The following GPC6 variants were observed in gnomAD, a reference collection of about 807,000 sequenced individuals.
GPC6 encodes glypican 6, also known as glypican-6.
A neutral mutation model predicts 55.2 loss-of-function variants in GPC6; 14 were observed. The observed-to-expected ratio is 0.25, with a 90% CI of 0.17 to 0.40. GPC6 has a LOEUF of 0.40. GPC6 is among the 10% of genes least tolerant of loss of function. The pLI is 1.00. For synonymous variants in GPC6, 278 were observed against 259.6 expected, an observed-to-expected ratio of 1.07 and a Z score of -0.68; for missense variants, 641 against 708.5, an observed-to-expected ratio of 0.90 and a Z score of 1.08.
intron 1 of GPC6, among the ~76,000 whole-genome samples, chr13:93,516,944 G>T (rs1881222844): frequency 6.6e-6 from 1 of 152,212 alleles, no homozygotes; most frequent in East Asian, 1.9e-4. Context: ...TGGGGCCAAA[G>T]CTAACCAATA....
chr13:93,587,690 T>G (rs936343495), intron 2 of GPC6, among the ~76,000 whole-genome samples: 3 of 152,072 alleles, frequency 2.0e-5, no homozygotes, highest in African/African-American at 7.2e-5. Flanking sequence ...TTGACTGTCT[T>G]ACAAGCCTCT....
intron 4 of GPC6, among the ~76,000 whole-genome samples, chr13:94,086,204 A>T (rs750928035): frequency 6.6e-6 from 1 of 152,234 alleles, no homozygotes; most frequent in Non-Finnish European, 1.5e-5. Flanking sequence ...AGGATTACAT[A>T]AAGATTCTCA....
chr13:93,453,952 T>A (rs1878331653), intron 1 of GPC6, among the ~76,000 whole-genome samples: 1 of 152,142 alleles, frequency 6.6e-6, no homozygotes, highest in African/African-American at 2.4e-5. Context: ...CCCACCCACA[T>A]CCTGCTGATT....
intron 6 of GPC6, among the ~76,000 whole-genome samples, chr13:94,365,462 G>T (rs1879248744): frequency 6.6e-6 from 1 of 152,104 alleles, no homozygotes. Context: ...TATAACACAA[G>T]AAATGTAAAA....
In GPC6 at chr13:94,057,290, C is replaced by T. The variant is rs185404669; in HGVS notation, c.877+29396C>T. 3.3e-5 allele frequency among the ~76,000 whole-genome samples: 5 copies of T among 152,212 alleles called. No homozygotes were observed. In the East Asian group the frequency reaches 9.7e-4, roughly 29 times the overall value. On this transcript the variant is annotated intron_variant, in intron 4 of 8. Transcript: ENST00000377047. ...CTTACAAGTGTAATCTTATCATATGCAGATTGTTTAAAATCACTTTTTCAA... is the reference window on the plus strand; with the variant it reads ...CTTACAAGTGTAATCTTATCATATGTAGATTGTTTAAAATCACTTTTTCAA...
chr13:93,874,453 T>C (rs776274802), intron 3 of GPC6, among the ~76,000 whole-genome samples: 7 of 151,848 alleles, frequency 4.6e-5, no homozygotes, highest in Middle Eastern at 3.4e-3. Flanking sequence ...CTGCCACTGA[T>C]GGATGTTTAG....
intron 1 of GPC6, among the ~76,000 whole-genome samples, chr13:93,305,441 A>G (rs976296565): frequency 6.6e-6 from 1 of 152,120 alleles, no homozygotes; most frequent in African/African-American, 2.4e-5. Context: ...ATTGTGAGGC[A>G]GGTGCTATTT....
At chr13:94,384,034 T>A (rs760588758) in intron 7 of GPC6, among the ~76,000 whole-genome samples, 2 of 152,148 alleles carry the variant, frequency 1.3e-5, no homozygotes, top group Non-Finnish European at 2.9e-5. Context: ...ATTATGGGGA[T>A]TGCAATTCAA....
chr13:93,538,691 C>A (rs1021867698), intron 1 of GPC6, among the ~76,000 whole-genome samples: 4 of 152,134 alleles, frequency 2.6e-5, no homozygotes, highest in Non-Finnish European at 5.9e-5. Context: ...AAACATCAAG[C>A]AAAGTAGAGT....
At chr13:93,544,051 GA>G (rs1882440704) in intron 1 of GPC6, among the ~76,000 whole-genome samples, 1 of 150,968 alleles carries the variant, frequency 6.6e-6, no homozygotes, top group South Asian at 2.1e-4. Flanking sequence ...GCATTTCCCG[GA>G]TGATTAGTCA....
At chr13:94,202,396 G>C in intron 4 of GPC6, among the ~76,000 whole-genome samples, 1 of 152,208 alleles carries the variant, frequency 6.6e-6, no homozygotes, top group East Asian at 1.9e-4. Context: ...CACGGCTGGG[G>C]AAGTCTCACA....
intron 4 of GPC6, among the ~76,000 whole-genome samples, chr13:94,264,493 ATT>A (rs1891737531): frequency 6.6e-6 from 1 of 152,136 alleles, no homozygotes; most frequent in South Asian, 2.1e-4. Context: ...TTCAGCATAT[ATT>A]TGTTGTTGAA....
At chr13:93,340,026 C>CTTTTTTTTT (rs10714044) in intron 1 of GPC6, among the ~76,000 whole-genome samples, 4 of 81,616 alleles carry the variant, frequency 4.9e-5, no homozygotes, top group Admixed American at 2.0e-4. Context: ...AGTTTTCTTT[C>CTTTTTTTTT]TTTTTTTTTT....
intron 5 of GPC6, among the ~76,000 whole-genome samples, chr13:94,290,559 T>C (rs573071535): frequency 2.6e-5 from 4 of 152,184 alleles, no homozygotes; most frequent in Non-Finnish European, 5.9e-5. Context: ...CATGTGATGT[T>C]ACAAGATTGT....
intron 2 of GPC6, 109 bp downstream of exon 2, chr13:93,545,530 T>A: frequency 1.1e-6 from 1 of 897,148 alleles, no homozygotes; most frequent in South Asian, 1.4e-5. Context: ...CTATCCCTCT[T>A]AAATATTTAT....
rs566370854 is a variant in GPC6, at chr13:94,228,377, G to A, written c.878-57972G>A. ...TACATGTATTTATTATTTTTCATTAGTTATGTCAAGAAAAATTGAAACTTT... is the reference window on the plus strand; with the variant it reads ...TACATGTATTTATTATTTTTCATTAATTATGTCAAGAAAAATTGAAACTTT... On this transcript the variant is annotated intron_variant, in intron 4 of 8. Coordinates refer to ENST00000377047, the MANE Select transcript of GPC6 (RefSeq NM_005708.5). Among the ~76,000 whole-genome samples, 9 of 152,134 alleles carry A rather than the reference G, an allele frequency of 5.9e-5. No individual in the cohort carries two copies. In the South Asian group the frequency reaches 1.9e-3, roughly 32 times the overall value.
intron 1 of GPC6, among the ~76,000 whole-genome samples, chr13:93,286,640 T>C (rs17300059): frequency 0.12 from 17,752 of 152,252 alleles, 1,322 homozygotes; most frequent in East Asian, 0.37. Context: ...CTGTGCATCT[T>C]ATCAGAGTGG....
intron 2 of GPC6, among the ~76,000 whole-genome samples, chr13:93,681,551 C>A (rs1267516424): frequency 6.6e-6 from 1 of 152,116 alleles, no homozygotes; most frequent in Non-Finnish European, 1.5e-5. Flanking sequence ...AACTTAATTA[C>A]ATTATGCCTG....
chr13:94,198,513 G>A (rs897089984), intron 4 of GPC6, among the ~76,000 whole-genome samples: 4 of 152,116 alleles, frequency 2.6e-5, no homozygotes, highest in Admixed American at 1.3e-4. Flanking sequence ...AACAGTCTTC[G>A]GATTGTAAGA....
Sources: allele counts gnomAD v4.1 joint callset (sites outside exome capture counted in the v4.1 genomes callset), GRCh38; gene constraint gnomAD v4.1.1; transcripts MANE v1.5; gene names NCBI Gene and HGNC (gene_info 2026-07-23, HGNC 2026-07-21).